Variants in KHDRBS3 observed in about 807,000 individuals in gnomAD.
KHDRBS3 encodes the protein KH RNA binding domain containing, signal transduction associated 3.
A neutral mutation model predicts 45.6 loss-of-function variants in KHDRBS3; 23 were observed. The observed-to-expected ratio is 0.50, with a 90% CI of 0.36 to 0.72. The LOEUF (loss-of-function observed/expected upper bound fraction) is 0.72. KHDRBS3 is among the 30% of genes least tolerant of loss of function. The pLI is 0.00. For missense variants in KHDRBS3, 352 were observed against 424.8 expected (o/e 0.83, Z 1.51); for synonymous variants, 162 against 156.5 (o/e 1.04, Z -0.26).
chr8:135,536,234 GT>G (rs374782370), intron 2 of KHDRBS3, among the ~76,000 whole-genome samples: 1,719 of 86,262 alleles, frequency 0.02, 17 homozygotes, highest in Middle Eastern at 0.038. Flanking sequence ...TTTCTGTCCA[GT>G]TTTTTTTTTT....
intron 1 of KHDRBS3, among the ~76,000 whole-genome samples, chr8:135,476,901 C>G (rs1195140860): frequency 2.0e-5 from 3 of 152,012 alleles, no homozygotes; most frequent in Non-Finnish European, 4.4e-5. Flanking sequence ...TGAATTTTAC[C>G]AGCAATTGAT....
intron 1 of KHDRBS3, among the ~76,000 whole-genome samples, chr8:135,502,813 A>G (rs1823798478): frequency 6.6e-6 from 1 of 152,178 alleles, no homozygotes; most frequent in Non-Finnish European, 1.5e-5. Context: ...TTTCAGTGGC[A>G]TCTCTTTCTG....
intron 2 of KHDRBS3, among the ~76,000 whole-genome samples, chr8:135,525,442 T>C (rs1463974243): frequency 6.6e-6 from 1 of 152,194 alleles, no homozygotes; most frequent in Non-Finnish European, 1.5e-5. Context: ...AGCTCTAAAA[T>C]GAGTAAATTC....
At chr8:135,532,553 G>C (rs185381686) in intron 2 of KHDRBS3, among the ~76,000 whole-genome samples, 1 of 152,254 alleles carries the variant, frequency 6.6e-6, no homozygotes, top group East Asian at 1.9e-4. Context: ...CTTCTGTTAT[G>C]TGTGTGTACA....
In KHDRBS3 at chr8:135,603,095, ACTTTT is replaced by A. The variant is rs1215422996; in HGVS notation, c.808-3857_808-3853del. Among the ~76,000 whole-genome samples, 648 of 152,320 alleles carry A rather than the reference ACTTTT, an allele frequency of 4.3e-3. 11 individuals carry two copies. The highest frequency in any genetic ancestry group is 0.014 in the African/African-American group (590 of 41,572). ...TGATACACCTGGGAAATTTTCTTCC[ACTTTT>A]CTCTTTCCTAACTGGGCTGGTCCAT... On this transcript the variant is annotated intron_variant, in intron 6 of 8. Coordinates refer to ENST00000355849, the MANE Select transcript of KHDRBS3 (RefSeq NM_006558.3).
At chr8:135,610,750 A>G (rs1829675261) in intron 7 of KHDRBS3, among the ~76,000 whole-genome samples, 1 of 151,740 alleles carries the variant, frequency 6.6e-6, no homozygotes, top group Non-Finnish European at 1.5e-5. Flanking sequence ...CAGTTCACAG[A>G]GTAAGGCCAG....
intron 6 of KHDRBS3, among the ~76,000 whole-genome samples, chr8:135,599,125 A>C (rs1026144141): frequency 6.6e-6 from 1 of 152,206 alleles, no homozygotes; most frequent in Non-Finnish European, 1.5e-5. Flanking sequence ...TGAGTTTTAT[A>C]GGTCGGGAAT....
At chr8:135,503,764 CACGTCCAT>C (rs1273322988) in intron 1 of KHDRBS3, among the ~76,000 whole-genome samples, 1 of 152,074 alleles carries the variant, frequency 6.6e-6, no homozygotes, top group Non-Finnish European at 1.5e-5. Flanking sequence ...GTAATTTTAC[CACGTCCAT>C]ACCCTTGTCA....
At chr8:135,625,727 C>T in intron 7 of KHDRBS3, 1 of 762,848 alleles carries the variant, frequency 1.3e-6, no homozygotes, top group Admixed American at 1.8e-5. Flanking sequence ...TGTCAACACC[C>T]ATCCTCTTAA....
chr8:135,484,711 T>G (rs1822756531), intron 1 of KHDRBS3, among the ~76,000 whole-genome samples: 1 of 152,238 alleles, frequency 6.6e-6, no homozygotes, highest in South Asian at 2.1e-4. Flanking sequence ...CTGTTAAATA[T>G]GTATGTTTGG....
intron 5 of KHDRBS3, among the ~76,000 whole-genome samples, chr8:135,569,264 T>A (rs548000016): frequency 6.6e-6 from 1 of 152,374 alleles, no homozygotes; most frequent in East Asian, 1.9e-4. Context: ...TATGTAATTC[T>A]GACGTGCACT....
chr8:135,582,923 G>A lies in KHDRBS3; in HGVS notation c.807+850G>A, dbSNP rs539805659. On this transcript the variant is annotated intron_variant, in intron 6 of 8. Transcript: ENST00000355849. ...AGACAACCTCTTCAACCTCATCTGTGTGGCCACTGGTAAGATCAAAGTCTT... is the reference window on the plus strand; with the variant it reads ...AGACAACCTCTTCAACCTCATCTGTATGGCCACTGGTAAGATCAAAGTCTT... Among the ~76,000 whole-genome samples the A allele has an allele frequency of 3.3e-5, 5 of 152,300 alleles. No homozygotes were observed. In the East Asian group the frequency reaches 9.6e-4, roughly 29 times the overall value.
intron 1 of KHDRBS3, among the ~76,000 whole-genome samples, chr8:135,486,391 G>C (rs189180394): frequency 6.6e-6 from 1 of 152,190 alleles, no homozygotes; most frequent in African/African-American, 2.4e-5. Flanking sequence ...GTAGTAGTAC[G>C]TTTTGCCCTA....
rs1007122010 is a variant in KHDRBS3 at position 135,601,982 on chromosome 8, C to T, written c.808-4973C>T. Reference sequence around the variant, plus strand: ...AGGGAAAAAAGGGAGGCCTGCTAAACGCTCAGATCACCCAGTCCTCAGATA... The same window carrying T: ...AGGGAAAAAAGGGAGGCCTGCTAAATGCTCAGATCACCCAGTCCTCAGATA... On this transcript the variant is annotated intron_variant, in intron 6 of 8. Coordinates refer to ENST00000355849, the MANE Select transcript of KHDRBS3 (RefSeq NM_006558.3). Among the ~76,000 whole-genome samples, 26 of 152,258 alleles carry T rather than the reference C, an allele frequency of 1.7e-4. No individual in the cohort carries two copies. In the East Asian group the frequency reaches 1.9e-3, roughly 11 times the overall value.
At chr8:135,487,937 C>T (rs1422201370) in intron 1 of KHDRBS3, among the ~76,000 whole-genome samples, 1 of 152,160 alleles carries the variant, frequency 6.6e-6, no homozygotes, top group East Asian at 1.9e-4. Flanking sequence ...TCTTGTTACA[C>T]AGAAGTGCTT....
At chr8:135,597,566 C>T (rs547348426) in intron 6 of KHDRBS3, among the ~76,000 whole-genome samples, 64 of 152,144 alleles carry the variant, frequency 4.2e-4, no homozygotes, top group African/African-American at 1.5e-3. Context: ...CTCCCCAACA[C>T]TCTCATTATC....
intron 1 of KHDRBS3, among the ~76,000 whole-genome samples, chr8:135,459,577 A>G (rs1821321589): frequency 6.6e-6 from 1 of 152,182 alleles, no homozygotes; most frequent in Non-Finnish European, 1.5e-5. Context: ...CATACATTGC[A>G]TGAGATCCGT....
At chr8:135,601,701 C>T (rs977316017) in intron 6 of KHDRBS3, among the ~76,000 whole-genome samples, 2 of 152,214 alleles carry the variant, frequency 1.3e-5, no homozygotes, top group Non-Finnish European at 2.9e-5. Flanking sequence ...GTGAGTTCCT[C>T]ATCCCAGGTC....
chr8:135,604,084 T>C (rs1232551119), intron 6 of KHDRBS3, among the ~76,000 whole-genome samples: 1 of 152,084 alleles, frequency 6.6e-6, no homozygotes, highest in Non-Finnish European at 1.5e-5. Flanking sequence ...ATTTTGAAGC[T>C]CTATTGTTAC....
Sources: gnomAD v4.1 joint callset for allele counts (sites outside exome capture counted in the v4.1 genomes callset) on GRCh38, gnomAD v4.1.1 for gene constraint, MANE v1.5 for transcripts, NCBI Gene and HGNC (gene_info 2026-07-23, HGNC 2026-07-21) for gene names.